FSTL5: variants seen among roughly 807,000 people sequenced by gnomAD.
FSTL5 encodes the protein follistatin like 5.
FSTL5 carries 62 observed loss-of-function variants against 89.1 expected under a neutral mutation model. The ratio of observed to expected loss-of-function variants is 0.70; its 90% CI spans 0.57 to 0.86. The LOEUF (loss-of-function observed/expected upper bound fraction) is 0.86, where lower values mean the gene tolerates loss of function less well. FSTL5 is among the 40% of genes least tolerant of loss of function. FSTL5 has a pLI of 0.00. For synonymous variants in FSTL5, 383 were observed against 346.2 expected, an observed-to-expected ratio of 1.11 and a Z score of -1.18; for missense variants, 1,057 against 1,001.6, an observed-to-expected ratio of 1.06 and a Z score of -0.75.
At chr4:161,847,931 G>A (rs1731421021) in intron 4 of FSTL5, among the ~76,000 whole-genome samples, 1 of 146,728 alleles carries the variant, frequency 6.8e-6, no homozygotes, top group African/African-American at 2.5e-5. Context: ...AGCTACTCGG[G>A]AGACTGAGGA....
chr4:161,695,511 A>G (rs1374089560), intron 6 of FSTL5, among the ~76,000 whole-genome samples: 1 of 150,128 alleles, frequency 6.7e-6, no homozygotes, highest in Admixed American at 6.7e-5. Context: ...TTCTTTATCC[A>G]CTTGTCGATT....
intron 5 of FSTL5, among the ~76,000 whole-genome samples, chr4:161,773,584 A>G (rs1345935402): frequency 1.3e-5 from 2 of 152,198 alleles, no homozygotes; most frequent in Non-Finnish European, 2.9e-5. Context: ...GCCAACAAAC[A>G]TGAAAAAATG....
At chr4:161,583,776 A>T (rs1308877756) in intron 8 of FSTL5, among the ~76,000 whole-genome samples, 5 of 152,142 alleles carry the variant, frequency 3.3e-5, no homozygotes, top group Non-Finnish European at 1.5e-5. Flanking sequence ...TTAGAAACTG[A>T]AATTGCCAGC....
At chr4:161,698,705 A>T (rs1288463153) in intron 6 of FSTL5, among the ~76,000 whole-genome samples, 2 of 152,156 alleles carry the variant, frequency 1.3e-5, no homozygotes, top group African/African-American at 4.8e-5. Flanking sequence ...GAGGCGGGTG[A>T]TCACCTAATG....
intron 8 of FSTL5, among the ~76,000 whole-genome samples, chr4:161,576,333 T>C (rs1238119823): frequency 6.6e-6 from 1 of 152,130 alleles, no homozygotes. Flanking sequence ...AAATTTCATA[T>C]GGAACCAAAA....
chr4:161,967,214 G>A (rs944289468), intron 3 of FSTL5, among the ~76,000 whole-genome samples: 7 of 152,024 alleles, frequency 4.6e-5, no homozygotes, highest in African/African-American at 1.2e-4. Context: ...ATTGTCCAGA[G>A]GCACAGCTGA....
At chr4:161,579,648 C>T (rs1380988684) in intron 8 of FSTL5, among the ~76,000 whole-genome samples, 1 of 147,946 alleles carries the variant, frequency 6.8e-6, no homozygotes, top group African/African-American at 2.5e-5. Context: ...ACCTGGGAGG[C>T]AGAGGTTGCA....
In FSTL5 at chr4:161,452,346, G is replaced by A. The variant is rs542781040; in HGVS notation, c.1841+2658C>T. On this transcript the variant is annotated intron_variant, in intron 15 of 15. Transcript: ENST00000306100. Reference sequence around the variant, plus strand: ...CAAAAATTAGCTGGATATGGTGGAGGACTCCTGTAATCCCAGCTGCTAGGG... The same window carrying A: ...CAAAAATTAGCTGGATATGGTGGAGAACTCCTGTAATCCCAGCTGCTAGGG... 2.0e-5 allele frequency among the ~76,000 whole-genome samples: 3 copies of A among 152,084 alleles called. No individual in the cohort carries two copies. In the South Asian group the frequency reaches 6.2e-4, roughly 32 times the overall value.
At chr4:161,549,728 G>A (rs1437941783) in intron 8 of FSTL5, among the ~76,000 whole-genome samples, 3 of 151,826 alleles carry the variant, frequency 2.0e-5, no homozygotes, top group Non-Finnish European at 4.4e-5. Context: ...TTTGCTCTCC[G>A]GTTAATGCAT....
At chr4:162,016,668 T>C (rs745799535) in intron 3 of FSTL5, among the ~76,000 whole-genome samples, 4 of 152,200 alleles carry the variant, frequency 2.6e-5, no homozygotes, top group African/African-American at 9.6e-5. Context: ...CAAATAAGAA[T>C]GAGTTTTCTA....
intron 7 of FSTL5, among the ~76,000 whole-genome samples, chr4:161,638,059 T>A (rs1486423350): frequency 6.6e-6 from 1 of 151,396 alleles, no homozygotes; most frequent in African/African-American, 2.4e-5. Context: ...TTGGGCAGTA[T>A]GGCCATTTTC....
intron 10 of FSTL5, among the ~76,000 whole-genome samples, chr4:161,529,385 T>C (rs1315325837): frequency 7.0e-6 from 1 of 142,764 alleles, no homozygotes; most frequent in Non-Finnish European, 1.5e-5. Flanking sequence ...TGAAATGACA[T>C]TGGCCAAATT....
chr4:161,909,748 G>T (rs1219807450), intron 4 of FSTL5, among the ~76,000 whole-genome samples: 1 of 151,966 alleles, frequency 6.6e-6, no homozygotes, highest in Non-Finnish European at 1.5e-5. Context: ...CTCATCTAAA[G>T]CTAAATCTGC....
At chr4:162,059,997 G>A (rs753952653) in intron 2 of FSTL5, among the ~76,000 whole-genome samples, 2 of 152,132 alleles carry the variant, frequency 1.3e-5, no homozygotes, top group South Asian at 2.1e-4. Flanking sequence ...GACTCAATAT[G>A]TTCTGTCTAA....
chr4:161,944,580 T>C (rs62331242), intron 3 of FSTL5, among the ~76,000 whole-genome samples: 12,202 of 151,804 alleles, frequency 0.08, 660 homozygotes, highest in Non-Finnish European at 0.11. Flanking sequence ...TTATTTATCA[T>C]AGAGTTGTAC....
chr4:161,973,888 C>T (rs974217001), intron 3 of FSTL5, among the ~76,000 whole-genome samples: 9 of 152,112 alleles, frequency 5.9e-5, no homozygotes, highest in African/African-American at 1.9e-4. Context: ...TCTCCTTAAG[C>T]TGATAAGGAA....
intron 3 of FSTL5, among the ~76,000 whole-genome samples, chr4:162,023,650 T>A (rs2111165150): frequency 6.6e-6 from 1 of 152,284 alleles, no homozygotes; most frequent in South Asian, 2.1e-4. Flanking sequence ...GACTATAGAA[T>A]CTGCACTATT....
intron 12 of FSTL5, among the ~76,000 whole-genome samples, chr4:161,495,910 C>T (rs1337562461): frequency 6.6e-6 from 1 of 152,084 alleles, no homozygotes; most frequent in Non-Finnish European, 1.5e-5. Flanking sequence ...GTACTAAAAA[C>T]TCATATACAG....
intron 7 of FSTL5, among the ~76,000 whole-genome samples, chr4:161,646,948 C>T (rs1402707147): frequency 1.3e-5 from 2 of 152,130 alleles, no homozygotes; most frequent in South Asian, 2.1e-4. Context: ...TACTTCCATA[C>T]ATTGCCTCCC....
Sources: allele counts gnomAD v4.1 joint callset (sites outside exome capture counted in the v4.1 genomes callset), GRCh38; gene constraint gnomAD v4.1.1; transcripts MANE v1.5; gene names NCBI Gene and HGNC (gene_info 2026-07-23, HGNC 2026-07-21).